METTL16: variants seen among roughly 807,000 people sequenced by gnomAD.
METTL16 encodes methyltransferase 16, RNA N6-adenosine.
Under a neutral mutation model 57.9 loss-of-function variants are expected in METTL16, and 19 were observed. The observed-to-expected ratio is 0.33, with a 90% CI of 0.23 to 0.48. The LOEUF (loss-of-function observed/expected upper bound fraction) is 0.48. Ranked by LOEUF, METTL16 falls within the 20% of genes least tolerant of loss-of-function variation. The pLI is 0.99. For synonymous variants in METTL16, 246 were observed against 255.6 expected, an observed-to-expected ratio of 0.96 and a Z score of 0.36; for missense variants, 434 against 691.5, an observed-to-expected ratio of 0.63 and a Z score of 4.18.
At chr17:2,472,762 T>C (rs1052839442) in intron 4 of METTL16, among the ~76,000 whole-genome samples, 34 of 152,198 alleles carry the variant, frequency 2.2e-4, no homozygotes. Flanking sequence ...CTATATACTG[T>C]ATGATTCCAA....
At chr17:2,433,846 G>A (rs1011964137) in intron 8 of METTL16, among the ~76,000 whole-genome samples, 1 of 152,116 alleles carries the variant, frequency 6.6e-6, no homozygotes, top group Non-Finnish European at 1.5e-5. Flanking sequence ...CGAGTCAGAC[G>A]CTGGCGACTC....
intron 8 of METTL16, among the ~76,000 whole-genome samples, chr17:2,433,996 T>C (rs1044812195): frequency 6.6e-6 from 1 of 152,154 alleles, no homozygotes; most frequent in Admixed American, 6.5e-5. Flanking sequence ...TCCACGTGTT[T>C]TTCTTTCCTA....
At chr17:2,453,371 G>A (rs946533254) in intron 6 of METTL16, among the ~76,000 whole-genome samples, 1 of 152,166 alleles carries the variant, frequency 6.6e-6, no homozygotes, top group Non-Finnish European at 1.5e-5. Flanking sequence ...TAGTTCCTCA[G>A]TCTTCTTTTA....
chr17:2,442,397 T>C (rs537348958), intron 6 of METTL16, among the ~76,000 whole-genome samples: 3 of 152,018 alleles, frequency 2.0e-5, no homozygotes, highest in Admixed American at 1.3e-4. Context: ...TCTTGCTGAG[T>C]TGATGAGACA....
intron 2 of METTL16, among the ~76,000 whole-genome samples, chr17:2,501,236 T>C (rs1451015999): frequency 6.6e-6 from 1 of 152,184 alleles, no homozygotes; most frequent in African/African-American, 2.4e-5. Flanking sequence ...GAGACCAGCC[T>C]GGGCAATATG....
rs1162889643 is a variant in METTL16, at chr17:2,418,134, TG to T, written c.*1835del. The T allele has an allele frequency of 1.4e-5, 2 of 143,218 alleles. No homozygotes were observed. The highest frequency in any genetic ancestry group is 4.9e-5 in the African/African-American group (2 of 40,660). The allele number at this position is 143,218 out of a possible 1,614,324, so 8.9% of individuals were successfully genotyped here. A position where few individuals can be genotyped will look rare whatever the true frequency, so the allele number is the denominator to read the frequency against. The stretch of plus-strand genomic sequence containing the variant: ...TAGAATAATGATTCTTAATCCTTAG[TG>T]GGTTATTGACCCCTTTGTCTGTGTC... On this transcript the variant is annotated 3_prime_UTR_variant, in exon 10 of 10. Coordinates refer to ENST00000263092, the MANE Select transcript of METTL16 (RefSeq NM_024086.4).
At chr17:2,494,171 G>A (rs74612479) in intron 2 of METTL16, among the ~76,000 whole-genome samples, 1,713 of 152,004 alleles carry the variant, frequency 0.011, 30 homozygotes, top group African/African-American at 0.039. Context: ...TCAGCCTCCC[G>A]AGTCGCTGGG....
chr17:2,483,977 T>C (rs760820540), intron 2 of METTL16, among the ~76,000 whole-genome samples: 30 of 152,332 alleles, frequency 2.0e-4, no homozygotes, highest in Non-Finnish European at 3.8e-4. Context: ...TAACTAAATT[T>C]CACTGCTAAA....
At chr17:2,472,650 GA>G (rs907933788) in intron 4 of METTL16, among the ~76,000 whole-genome samples, 12 of 146,120 alleles carry the variant, frequency 8.2e-5, no homozygotes, top group East Asian at 4.0e-4. Flanking sequence ...GAGGCAGCAG[GA>G]AAAAAAAAAT....
chr17:2,436,575 A>G (rs2066910616), intron 8 of METTL16: 1 of 152,602 alleles, frequency 6.6e-6, no homozygotes, highest in Non-Finnish European at 1.5e-5. Context: ...AGCAGCCAAG[A>G]GCTTGGAAGA....
At chr17:2,503,809 T>C (rs2067509336) in intron 1 of METTL16, among the ~76,000 whole-genome samples, 1 of 151,482 alleles carries the variant, frequency 6.6e-6, no homozygotes, top group African/African-American at 2.4e-5. Flanking sequence ...TAAATATGGA[T>C]CAACAAAATA....
chr17:2,497,800 C>G (rs372657965), intron 2 of METTL16, among the ~76,000 whole-genome samples: 6 of 150,738 alleles, frequency 4.0e-5, no homozygotes, highest in African/African-American at 1.5e-4. Flanking sequence ...GATCATGGTT[C>G]ACTGCAGCCT....
chr17:2,429,127 G>A (rs573616662), intron 8 of METTL16, among the ~76,000 whole-genome samples: 70 of 151,642 alleles, frequency 4.6e-4, no homozygotes, highest in Middle Eastern at 6.9e-3. Context: ...CAAAGCGCTG[G>A]GATTACAGGC....
At chr17:2,476,029 A>T (rs1377745316) in intron 3 of METTL16, among the ~76,000 whole-genome samples, 1 of 152,202 alleles carries the variant, frequency 6.6e-6, no homozygotes, top group Non-Finnish European at 1.5e-5. Flanking sequence ...AGATGGAGAG[A>T]AGTAGATGAT....
At chr17:2,472,165 T>C (rs781259408) in intron 4 of METTL16, among the ~76,000 whole-genome samples, 1 of 147,646 alleles carries the variant, frequency 6.8e-6, no homozygotes, top group Non-Finnish European at 1.5e-5. Context: ...CCAAAAAAGA[T>C]ATACAGATGG....
At position 2,420,773 on chromosome 17, in the gene METTL16, G is replaced by A. The variant is rs775912921; in HGVS notation, c.1020C>T (p.Val340=). 26 of 1,614,026 alleles carry A rather than the reference G, an allele frequency of 1.6e-5. No homozygotes were observed. In the African/African-American group the frequency reaches 2.8e-4, roughly 17 times the overall value. The stretch of plus-strand genomic sequence containing the variant: ...TTTTTTCAATCCATGTCGTGACAAC[G>A]ACTATGCCTTCCGCCGTCTCCGAGC... ...PLRSETAEGI[V]VVTTWIEKIL... is the part of the protein sequence containing the mutation. Residue 340 remains valine, a synonymous_variant, in exon 9 of 10, where the codon GTC becomes GTT. Coordinates refer to ENST00000263092, the MANE Select transcript of METTL16 (RefSeq NM_024086.4). This position sits in a 1 kb window ranked among gnomAD's most constrained non-coding sequence, Gnocchi z 5.4.
At position 2,437,092 on chromosome 17, in the gene METTL16, G is replaced by A. The variant is rs188563429; in HGVS notation, c.888+1017C>T. ...AGACGGGGTTTCACCATGTTGCCTAGGCTGGTTTCGAACTCCTGAGTTCAA... is the reference window on the plus strand; with the variant it reads ...AGACGGGGTTTCACCATGTTGCCTAAGCTGGTTTCGAACTCCTGAGTTCAA... On this transcript the variant is annotated intron_variant, in intron 8 of 9. Transcript: ENST00000263092. Among the ~76,000 whole-genome samples, 67 of 152,184 alleles carry A rather than the reference G, an allele frequency of 4.4e-4. 1 individual carries two copies. Among genetic ancestry groups the A allele is most frequent in the African/African-American group, 1.4e-3 (60 of 41,502 alleles).
chr17:2,491,091 A>G (rs2067384768), intron 2 of METTL16, among the ~76,000 whole-genome samples: 1 of 152,226 alleles, frequency 6.6e-6, no homozygotes, highest in African/African-American at 2.4e-5. Flanking sequence ...TTCACTAGTT[A>G]AGAATCTAGG....
chr17:2,482,389 G>A (rs1338325020), intron 2 of METTL16, among the ~76,000 whole-genome samples: 1 of 152,172 alleles, frequency 6.6e-6, no homozygotes, highest in Non-Finnish European at 1.5e-5. Context: ...AACTGGCACT[G>A]AGCAGTTAAG....
Sources: gnomAD v4.1 joint callset for allele counts (sites outside exome capture counted in the v4.1 genomes callset) on GRCh38, gnomAD v4.1.1 for gene constraint, Gnocchi (gnomAD v3.1) non-coding constraint, MANE v1.5 for transcripts, NCBI Gene and HGNC (gene_info 2026-07-23, HGNC 2026-07-21) for gene names.